Variants in CRB1 observed in about 807,000 individuals in gnomAD.
CRB1 encodes the protein protein crumbs homolog 1.
Under a neutral mutation model 120.0 loss-of-function variants are expected in CRB1, and 83 were observed. The ratio of observed to expected loss-of-function variants is 0.69; its 90% CI spans 0.58 to 0.83. CRB1 has a LOEUF of 0.83. Among genes scored for constraint, CRB1 ranks in the 40% least tolerant of loss-of-function variants. The pLI is 0.00. For synonymous variants in CRB1, 625 were observed against 612.5 expected, an observed-to-expected ratio of 1.02 and a Z score of -0.30; for missense variants, 1,699 against 1,687.6, an observed-to-expected ratio of 1.01 and a Z score of -0.12.
At chr1:197,205,039 A>G in the CRB1 span, among the ~76,000 whole-genome samples, 1 of 152,156 alleles carries the variant, frequency 6.6e-6, no homozygotes, top group Non-Finnish European at 1.5e-5. Context: ...AAAGGGTTTG[A>G]GTTACTGATT....
chr1:197,301,441 C>A (rs1438250182), intron 1 of CRB1, among the ~76,000 whole-genome samples: 1 of 152,150 alleles, frequency 6.6e-6, no homozygotes. Context: ...TCTGGGATTA[C>A]AGGTGTGAGT....
intron 1 of CRB1, among the ~76,000 whole-genome samples, chr1:197,279,439 T>C (rs1408392833): frequency 6.6e-6 from 1 of 151,830 alleles, no homozygotes; most frequent in Non-Finnish European, 1.5e-5. Flanking sequence ...AAGCATTACT[T>C]TCTGTAATTA....
chr1:197,245,000 C>T, the CRB1 span, among the ~76,000 whole-genome samples: 3 of 151,928 alleles, frequency 2.0e-5, no homozygotes, highest in South Asian at 6.2e-4. Flanking sequence ...TTTAGGTTAT[C>T]GTATTTTTAG....
Position 197,436,374 on chromosome 1 carries a change from T to C in CRB1, c.3749+762T>C, listed in dbSNP as rs953319605. On this transcript the variant is annotated intron_variant, in intron 9 of 11. Coordinates refer to ENST00000367400, the MANE Select transcript of CRB1 (RefSeq NM_201253.3). The stretch of plus-strand genomic sequence containing the variant: ...TTAGGATGAAGAGGAAGAGAAGGGG[T>C]TGGTTTTGCTGTCTCAGTGGTGGCA... 2.0e-5 allele frequency among the ~76,000 whole-genome samples: 3 copies of C among 152,148 alleles called. No homozygotes were observed. The South Asian group carries it at 6.2e-4, about 32-fold the overall frequency.
At chr1:197,281,687 C>T (rs1465603187) in intron 1 of CRB1, among the ~76,000 whole-genome samples, 1 of 151,816 alleles carries the variant, frequency 6.6e-6, no homozygotes, top group Non-Finnish European at 1.5e-5. Context: ...TTAGATACTT[C>T]AGGGGAACAT....
chr1:197,221,011 A>G, the CRB1 span, among the ~76,000 whole-genome samples: 5 of 152,004 alleles, frequency 3.3e-5, no homozygotes, highest in African/African-American at 4.8e-5. Flanking sequence ...ACAATTCTCT[A>G]TAAGGAAGAG....
intron 8 of CRB1, 82 bp downstream of exon 8, chr1:197,429,696 A>G: frequency 7.1e-7 from 1 of 1,404,314 alleles, no homozygotes; most frequent in Non-Finnish European, 9.9e-7. Flanking sequence ...GAAAAAGAGT[A>G]TAGACAAAGC....
chr1:197,323,875 G>A (rs562319982), intron 1 of CRB1, among the ~76,000 whole-genome samples: 221 of 152,256 alleles, frequency 1.5e-3, no homozygotes, highest in Non-Finnish European at 2.5e-3. Context: ...TTCTCATGGG[G>A]ATGCTTTGAG....
chr1:197,476,397 T>TGTGTGTGTGC (rs1553269046), intron 11 of CRB1, among the ~76,000 whole-genome samples: 6 of 145,918 alleles, frequency 4.1e-5, no homozygotes, highest in South Asian at 4.4e-4. Context: ...TGTGTGTGTG[T>TGTGTGTGTGC]GCGCGTCTTC....
intron 11 of CRB1, among the ~76,000 whole-genome samples, chr1:197,460,248 C>T (rs979372391): frequency 1.3e-5 from 2 of 151,886 alleles, no homozygotes; most frequent in African/African-American, 4.8e-5. Context: ...TTATTACTCA[C>T]CATTTTAATG....
At chr1:197,422,009 A>G in intron 6 of CRB1, 53 bp downstream of exon 6, 1 of 1,558,480 alleles carries the variant, frequency 6.4e-7, no homozygotes, top group Non-Finnish European at 8.8e-7. Context: ...AGAGCAGAGC[A>G]GAAACAGCAA....
chr1:197,453,600 A>C (rs1233411479), intron 11 of CRB1, among the ~76,000 whole-genome samples: 12 of 142,290 alleles, frequency 8.4e-5, no homozygotes, highest in Non-Finnish European at 1.8e-4. Flanking sequence ...AGAGAGAGAC[A>C]AGGTCTTGCT....
intron 1 of CRB1, chr1:197,304,274 A>T (rs565650614): frequency 3.3e-6 from 1 of 303,878 alleles, no homozygotes; most frequent in African/African-American, 2.3e-5. Flanking sequence ...TTTTTAACAT[A>T]AGTTAAATGC....
At chr1:197,368,089 A>G (rs1052227619) in intron 5 of CRB1, among the ~76,000 whole-genome samples, 1 of 152,188 alleles carries the variant, frequency 6.6e-6, no homozygotes, top group African/African-American at 2.4e-5. Context: ...AAAGCTTCAT[A>G]TAGTCATGAA....
intron 5 of CRB1, among the ~76,000 whole-genome samples, chr1:197,401,260 T>A (rs1663051942): frequency 6.6e-6 from 1 of 152,132 alleles, no homozygotes; most frequent in South Asian, 2.1e-4. Context: ...TTGTTGATGT[T>A]TATCTCCACC....
At chr1:197,386,262 G>C (rs1468592672) in intron 5 of CRB1, among the ~76,000 whole-genome samples, 1 of 152,104 alleles carries the variant, frequency 6.6e-6, no homozygotes, top group Admixed American at 6.6e-5. Context: ...AGGATCAAAC[G>C]ATATGGTAAA....
chr1:197,402,710 C>T (rs1663129237), intron 5 of CRB1, among the ~76,000 whole-genome samples: 1 of 152,112 alleles, frequency 6.6e-6, no homozygotes, highest in African/African-American at 2.4e-5. Flanking sequence ...ATCACAGATG[C>T]AGTTTTAAAA....
chr1:197,305,523 T>C (rs965743700), intron 1 of CRB1, among the ~76,000 whole-genome samples: 2 of 151,756 alleles, frequency 1.3e-5, no homozygotes, highest in Admixed American at 6.6e-5. Flanking sequence ...TATGAAAAAA[T>C]ATTATTTATA....
intron 3 of CRB1, among the ~76,000 whole-genome samples, chr1:197,344,960 T>G (rs1197935699): frequency 1.3e-5 from 2 of 152,224 alleles, no homozygotes; most frequent in African/African-American, 2.4e-5. Flanking sequence ...TGAATATTTT[T>G]GAGAAAGCAT....
Sources: gnomAD v4.1 joint callset for allele counts (sites outside exome capture counted in the v4.1 genomes callset) on GRCh38, gnomAD v4.1.1 for gene constraint, MANE v1.5 for transcripts, NCBI Gene and HGNC (gene_info 2026-07-23, HGNC 2026-07-21) for gene names.